TBC1D19: variants seen among roughly 807,000 people sequenced by gnomAD.
TBC1D19 encodes TBC1 domain family, member 19.
A neutral mutation model predicts 89.0 loss-of-function variants in TBC1D19; 60 were observed. The observed-to-expected ratio is 0.67, with a 90% CI of 0.55 to 0.84. The LOEUF is 0.84. TBC1D19 is among the 40% of genes least tolerant of loss of function. The pLI, the probability that TBC1D19 is intolerant of heterozygous loss-of-function variation, is 0.00. For missense variants in TBC1D19, 500 were observed against 610.8 expected (o/e 0.82, Z 1.91); for synonymous variants, 189 against 199.7 (o/e 0.95, Z 0.45).
the TBC1D19 span, among the ~76,000 whole-genome samples, chr4:26,857,441 G>T: frequency 6.6e-6 from 1 of 152,230 alleles, no homozygotes; most frequent in African/African-American, 2.4e-5. Context: ...GAAGATCAGT[G>T]GGAGGGCGAG....
the TBC1D19 span, among the ~76,000 whole-genome samples, chr4:26,806,499 T>A: frequency 6.6e-6 from 1 of 152,248 alleles, no homozygotes; most frequent in Non-Finnish European, 1.5e-5. Flanking sequence ...TGACTCACTA[T>A]GTGTCTGCCT....
chr4:26,738,886 C>T (rs1206361364), intron 16 of TBC1D19, among the ~76,000 whole-genome samples: 2 of 152,106 alleles, frequency 1.3e-5, no homozygotes, highest in Non-Finnish European at 2.9e-5. Context: ...GCACAACTGG[C>T]CCACTGACTT....
chr4:26,652,449 A>T (rs553041927), intron 7 of TBC1D19, among the ~76,000 whole-genome samples: 2 of 152,008 alleles, frequency 1.3e-5, no homozygotes, highest in African/African-American at 4.8e-5. Context: ...TGTATTTCCC[A>T]GGCAGGTCTC....
At chr4:26,625,692 A>G (rs1742347423) in intron 4 of TBC1D19, among the ~76,000 whole-genome samples, 1 of 152,158 alleles carries the variant, frequency 6.6e-6, no homozygotes, top group South Asian at 2.1e-4. Flanking sequence ...AGTTTTGAGA[A>G]GTACTGTTCA....
intron 13 of TBC1D19, among the ~76,000 whole-genome samples, chr4:26,705,957 A>G (rs536090149): frequency 6.6e-6 from 1 of 152,058 alleles, no homozygotes; most frequent in East Asian, 1.9e-4. Context: ...GAGTACAGTG[A>G]CTGTTCACAG....
intron 1 of TBC1D19, among the ~76,000 whole-genome samples, chr4:26,608,177 C>G (rs866363691): frequency 6.6e-6 from 1 of 152,002 alleles, no homozygotes; most frequent in African/African-American, 2.4e-5. Context: ...TTTCAATTTC[C>G]TACATCATTT....
intron 1 of TBC1D19, among the ~76,000 whole-genome samples, chr4:26,607,134 A>G (rs915751591): frequency 7.2e-5 from 11 of 152,166 alleles, no homozygotes; most frequent in Non-Finnish European, 2.9e-5. Context: ...TGGATGAAGG[A>G]TGTATGCAGG....
At chr4:26,640,935 C>T (rs1037096261) in intron 7 of TBC1D19, among the ~76,000 whole-genome samples, 1 of 152,236 alleles carries the variant, frequency 6.6e-6, no homozygotes, top group Non-Finnish European at 1.5e-5. Flanking sequence ...CTCAACGAGG[C>T]CTGCCTGCCT....
intron 13 of TBC1D19, among the ~76,000 whole-genome samples, chr4:26,710,086 T>C (rs1420523681): frequency 6.6e-6 from 1 of 152,136 alleles, no homozygotes; most frequent in East Asian, 1.9e-4. Context: ...AATGTGCAGG[T>C]TTGTTACATA....
intron 4 of TBC1D19, among the ~76,000 whole-genome samples, chr4:26,627,136 G>A (rs1178301611): frequency 9.2e-5 from 14 of 151,602 alleles, no homozygotes; most frequent in Admixed American, 3.9e-4. Context: ...GAGAACATGC[G>A]GTGTTTGGTT....
At chr4:26,751,423 C>T (rs1206830603) in intron 19 of TBC1D19, among the ~76,000 whole-genome samples, 1 of 152,150 alleles carries the variant, frequency 6.6e-6, no homozygotes, top group African/African-American at 2.4e-5. Flanking sequence ...GCTAAAATGC[C>T]TGCACTATAT....
At chr4:26,848,172 T>C in the TBC1D19 span, among the ~76,000 whole-genome samples, 1 of 152,168 alleles carries the variant, frequency 6.6e-6, no homozygotes, top group Admixed American at 6.5e-5. Flanking sequence ...CTCCCAAATA[T>C]GGCTGGGCAT....
chr4:26,735,084 A>C (rs984829140), intron 15 of TBC1D19, among the ~76,000 whole-genome samples: 1 of 151,192 alleles, frequency 6.6e-6, no homozygotes, highest in Admixed American at 6.6e-5. Flanking sequence ...ACATGTATAT[A>C]TGTATACACA....
At chr4:26,722,868 T>C (rs1441171541) in intron 15 of TBC1D19, among the ~76,000 whole-genome samples, 1 of 152,144 alleles carries the variant, frequency 6.6e-6, no homozygotes, top group Non-Finnish European at 1.5e-5. Flanking sequence ...AACTGAGGCA[T>C]AGAGTGTTAA....
downstream of TBC1D19, among the ~76,000 whole-genome samples, chr4:26,759,527 T>C (rs996190867): frequency 6.6e-6 from 1 of 152,192 alleles, no homozygotes; most frequent in African/African-American, 2.4e-5. Flanking sequence ...TCTATAAGTC[T>C]TAACAAATGT....
rs182500814 is a variant in TBC1D19, at chr4:26,633,370, G to A, written c.295-3841G>A. On this transcript the variant is annotated intron_variant, in intron 4 of 20. Coordinates refer to ENST00000264866, the MANE Select transcript of TBC1D19 (RefSeq NM_018317.4). ...ATTTGATATCTTCTGTGTTGAACTC[G>A]TGGTGTTCTGCGAGGTGAAGGGCAT... Among the ~76,000 whole-genome samples, 122 of 152,094 alleles carry A rather than the reference G, an allele frequency of 8.0e-4. No individual in the cohort carries two copies. In the South Asian group the frequency reaches 0.02, roughly 25 times the overall value.
chr4:26,729,460 A>G (rs1323461705), intron 15 of TBC1D19, among the ~76,000 whole-genome samples: 6 of 152,272 alleles, frequency 3.9e-5, no homozygotes, highest in Admixed American at 1.3e-4. Context: ...GAGTGAAATC[A>G]TAGTGTTGGA....
chr4:26,653,857 A>C (rs531502884), intron 7 of TBC1D19, among the ~76,000 whole-genome samples: 1 of 151,984 alleles, frequency 6.6e-6, no homozygotes, highest in African/African-American at 2.4e-5. Context: ...TTAATTGGGG[A>C]ATTTAGCCCA....
chr4:26,808,899 G>A, the TBC1D19 span, among the ~76,000 whole-genome samples: 3 of 152,090 alleles, frequency 2.0e-5, no homozygotes, highest in African/African-American at 7.2e-5. Flanking sequence ...CTGTTTCTTG[G>A]GAAGACATGA....
Sources: gnomAD v4.1 joint callset for allele counts (sites outside exome capture counted in the v4.1 genomes callset) on GRCh38, gnomAD v4.1.1 for gene constraint, MANE v1.5 for transcripts, NCBI Gene and HGNC (gene_info 2026-07-23, HGNC 2026-07-21) for gene names.